The following ATXN7 variants were observed in gnomAD, a reference collection of about 807,000 sequenced individuals.
ATXN7 encodes the protein ataxin 7, also known as ataxin-7.
ATXN7 carries 12 observed loss-of-function variants against 70.5 expected under a neutral mutation model. The observed-to-expected ratio is 0.17, with a 90% CI of 0.11 to 0.28. The LOEUF (loss-of-function observed/expected upper bound fraction) is 0.28, where lower values mean the gene tolerates loss of function less well. ATXN7 is among the 10% of genes least tolerant of loss of function. The pLI is 1.00. For synonymous variants in ATXN7, 498 were observed against 448.7 expected (o/e 1.11, Z -1.39); for missense variants, 1,256 against 1,131.7 (o/e 1.11, Z -1.58).
intron 4 of ATXN7, among the ~76,000 whole-genome samples, chr3:63,939,490 T>A (rs1356930964): frequency 6.6e-6 from 1 of 152,198 alleles, no homozygotes; most frequent in Non-Finnish European, 1.5e-5. Flanking sequence ...GATATTATCC[T>A]TCATTAAAAT....
chr3:63,901,577 A>G (rs1195937761), intron 2 of ATXN7: 1 of 152,130 alleles, frequency 6.6e-6, no homozygotes, highest in East Asian at 1.9e-4. Flanking sequence ...GCTGCAAATG[A>G]CAGGAGTTCT....
chr3:63,998,444 T>A, intron 12 of ATXN7: 1 of 985,404 alleles, frequency 1.0e-6, no homozygotes, highest in East Asian at 1.1e-4. Flanking sequence ...CTGTGGGCCA[T>A]CTTTGGCTCA....
At chr3:63,926,885 A>G (rs1027959823) in intron 4 of ATXN7, among the ~76,000 whole-genome samples, 3 of 151,998 alleles carry the variant, frequency 2.0e-5, no homozygotes, top group Non-Finnish European at 4.4e-5. Context: ...CTCATTGTTC[A>G]ACTCCTACTT....
intron 8 of ATXN7, among the ~76,000 whole-genome samples, chr3:63,983,438 C>A (rs1412658345): frequency 2.0e-5 from 3 of 151,978 alleles, no homozygotes; most frequent in Non-Finnish European, 4.4e-5. Context: ...TTTTAAAGAA[C>A]CACTTTTTAA....
chr3:63,991,017 C>A (rs2075663231), intron 11 of ATXN7, 158 bp downstream of exon 11: 1 of 1,010,438 alleles, frequency 9.9e-7, no homozygotes, highest in Admixed American at 2.5e-5. Context: ...CATTCATTTA[C>A]CCCTTTACCC....
At chr3:63,922,780 C>G (rs1704559038) in intron 4 of ATXN7, among the ~76,000 whole-genome samples, 1 of 151,944 alleles carries the variant, frequency 6.6e-6, no homozygotes, top group South Asian at 2.1e-4. Flanking sequence ...TTACCTTGTT[C>G]TTTTTGGAAA....
intron 1 of ATXN7, among the ~76,000 whole-genome samples, chr3:63,866,340 TC>T (rs1702428583): frequency 6.6e-6 from 1 of 152,250 alleles, no homozygotes; most frequent in Non-Finnish European, 1.5e-5. Context: ...AGCCTGGAAC[TC>T]CTGGGCTCAA....
At chr3:63,996,983 G>A (rs186703164) in intron 12 of ATXN7, among the ~76,000 whole-genome samples, 31 of 152,312 alleles carry the variant, frequency 2.0e-4, no homozygotes, top group African/African-American at 7.5e-4. Flanking sequence ...GAGGCTGGGT[G>A]CAGCGGCTCA....
At chr3:63,919,070 G>T (rs1704402727) in intron 4 of ATXN7, among the ~76,000 whole-genome samples, 1 of 152,128 alleles carries the variant, frequency 6.6e-6, no homozygotes, top group South Asian at 2.1e-4. Flanking sequence ...CTTTTCCCCA[G>T]TTGCAGCGTG....
intron 1 of ATXN7, among the ~76,000 whole-genome samples, chr3:63,889,277 C>G (rs1486596177): frequency 1.3e-5 from 2 of 152,132 alleles, no homozygotes; most frequent in East Asian, 1.9e-4. Context: ...TAAGAAGTCC[C>G]AATGTTTATA....
chr3:63,966,695 A>G (rs553128755), intron 5 of ATXN7, among the ~76,000 whole-genome samples: 2 of 152,302 alleles, frequency 1.3e-5, no homozygotes, highest in South Asian at 4.1e-4. Context: ...GAGTCAATTT[A>G]GAATTTGGTC....
intron 5 of ATXN7, among the ~76,000 whole-genome samples, chr3:63,970,642 G>T (rs914062166): frequency 1.3e-5 from 2 of 152,174 alleles, no homozygotes; most frequent in African/African-American, 4.8e-5. Context: ...AGAAAGAACA[G>T]TCCTTTTGGG....
At chr3:63,945,244 G>C (rs907348278) in intron 4 of ATXN7, among the ~76,000 whole-genome samples, 2 of 152,212 alleles carry the variant, frequency 1.3e-5, no homozygotes, top group Non-Finnish European at 2.9e-5. Flanking sequence ...ATTCAGAGAG[G>C]TTAAATAATT....
Position 63,979,995 on chromosome 3 carries a change from A to C in ATXN7, c.580A>C (p.Lys194Gln). The change falls in exon 6 of 13, where the codon AAA becomes CAA. Residue 194 changes from lysine to glutamine, a missense_variant. By Grantham distance (53) the Lys-to-Gln change is moderately conservative. Transcript: ENST00000674280. ...ATTTTCCTTCTTCCCTTCTCTGTCCAAAAGCAAAGGAGGCAGTGCAAGTGG... is the reference window on the plus strand; with the variant it reads ...ATTTTCCTTCTTCCCTTCTCTGTCCCAAAGCAAAGGAGGCAGTGCAAGTGG... ...SVFSFFPSLS[K>Q]SKGGSASGSN... The C allele has an allele frequency of 6.2e-7, 1 of 1,614,176 alleles. No homozygotes were observed. The highest frequency in any genetic ancestry group is 8.5e-7 in the Non-Finnish European group (1 of 1,180,042).
chr3:63,998,426 C>T (rs1397236942), intron 12 of ATXN7: 1 of 985,056 alleles, frequency 1.0e-6, no homozygotes, highest in Non-Finnish European at 1.2e-6. Flanking sequence ...CTGGTATAGC[C>T]TATGTATCTG....
chr3:63,990,477 C>T (rs1045895710), intron 10 of ATXN7, 103 bp downstream of exon 10: 12 of 1,417,788 alleles, frequency 8.5e-6, no homozygotes, highest in African/African-American at 2.8e-5. Context: ...ATGTGTGGGA[C>T]GCGGTCAAGG....
At chr3:63,927,264 C>A (rs183183380) in intron 4 of ATXN7, among the ~76,000 whole-genome samples, 1 of 152,272 alleles carries the variant, frequency 6.6e-6, no homozygotes, top group African/African-American at 2.4e-5. Flanking sequence ...TGCTTTATAG[C>A]CATTATCAAA....
intron 4 of ATXN7, among the ~76,000 whole-genome samples, chr3:63,919,208 G>T (rs1017933626): frequency 6.6e-6 from 1 of 152,182 alleles, no homozygotes; most frequent in Admixed American, 6.5e-5. Flanking sequence ...TTATTGAAAC[G>T]TAGTGACGGG....
rs1704116995 is a variant in ATXN7, at chr3:63,913,032, G to C, written c.325+109G>C. The C allele has an allele frequency of 6.6e-6, 9 of 1,368,024 alleles. No individual in the cohort carries two copies. The East Asian group carries it at 2.2e-4, about 33-fold the overall frequency. The allele number at this position is 1,368,024 out of a possible 1,614,324, so 84.7% of individuals were successfully genotyped here. On this transcript the variant is annotated intron_variant, in intron 3 of 12. Coordinates refer to ENST00000674280, the MANE Select transcript of ATXN7 (RefSeq NM_001377405.1). ...ACCCGCCCCCTCGAGGGGCAGAGATGCTATCGTTTGCTGGGTTGCGGAACG... is the reference window on the plus strand; with the variant it reads ...ACCCGCCCCCTCGAGGGGCAGAGATCCTATCGTTTGCTGGGTTGCGGAACG...
Sources: gnomAD v4.1 joint callset for allele counts (sites outside exome capture counted in the v4.1 genomes callset) on GRCh38, gnomAD v4.1.1 for gene constraint, MANE v1.5 for transcripts, NCBI Gene and HGNC (gene_info 2026-07-23, HGNC 2026-07-21) for gene names.